The following CNTNAP2 variants were observed in gnomAD, a reference collection of about 807,000 sequenced individuals.
The protein encoded by CNTNAP2 is contactin associated protein 2.
A neutral mutation model predicts 155.2 loss-of-function variants in CNTNAP2; 98 were observed. The observed-to-expected ratio is 0.63, with a 90% CI of 0.54 to 0.75. The LOEUF (loss-of-function observed/expected upper bound fraction) is 0.75. CNTNAP2 is among the 30% of genes least tolerant of loss of function. The pLI is 0.00. For synonymous variants in CNTNAP2, 651 were observed against 631.2 expected, an observed-to-expected ratio of 1.03 and a Z score of -0.47; for missense variants, 1,727 against 1,688.1, an observed-to-expected ratio of 1.02 and a Z score of -0.40.
chr7:146,803,571 G>C (rs1802917929), intron 2 of CNTNAP2, among the ~76,000 whole-genome samples: 1 of 152,126 alleles, frequency 6.6e-6, no homozygotes, highest in Non-Finnish European at 1.5e-5. Context: ...ATGAAAAGCA[G>C]GTAACCAGAA....
At chr7:146,402,795 T>C (rs1332844226) in intron 1 of CNTNAP2, among the ~76,000 whole-genome samples, 1 of 152,162 alleles carries the variant, frequency 6.6e-6, no homozygotes, top group Non-Finnish European at 1.5e-5. Context: ...TTGGCAGATT[T>C]AATAATAAAT....
intron 15 of CNTNAP2, among the ~76,000 whole-genome samples, chr7:148,041,864 T>C (rs1049140199): frequency 2.0e-5 from 3 of 152,188 alleles, no homozygotes; most frequent in Admixed American, 6.5e-5. Flanking sequence ...CTCCACGGAA[T>C]ATATACAATA....
At chr7:147,283,545 T>C (rs1311214527) in intron 8 of CNTNAP2, among the ~76,000 whole-genome samples, 1 of 151,896 alleles carries the variant, frequency 6.6e-6, no homozygotes. Context: ...AATGTTGTCT[T>C]TAGATAGGAC....
intron 14 of CNTNAP2, among the ~76,000 whole-genome samples, chr7:147,933,988 T>C (rs1345853652): frequency 6.6e-6 from 1 of 152,248 alleles, no homozygotes; most frequent in Non-Finnish European, 1.5e-5. Flanking sequence ...TGATTCCATT[T>C]ATGTGAGGTA....
chr7:146,474,649 T>A (rs1190030320), intron 1 of CNTNAP2, among the ~76,000 whole-genome samples: 1 of 152,152 alleles, frequency 6.6e-6, no homozygotes. Context: ...TAGCACAGAC[T>A]TAGTTACAAT....
chr7:148,278,569 C>CAAAA lies in CNTNAP2; in HGVS notation c.3475+11459_3475+11462dup, dbSNP rs34230909. Among the ~76,000 whole-genome samples the CAAAA allele has an allele frequency of 1.0e-3, 116 of 116,566 alleles. 4 individuals carry two copies. The highest frequency in any genetic ancestry group is 3.4e-3 in the African/African-American group (104 of 30,316). The allele number at this position is 116,566 out of a possible 152,430, so 76.5% of individuals were successfully genotyped here. ...TGGGCAACAGAGTGAGACTACATCT[C>CAAAA]AAAAAAAAAAAAAAAAAAAGCCTGA... On this transcript the variant is annotated intron_variant, in intron 21 of 23. Transcript: ENST00000361727.
chr7:148,366,038 G>T lies in CNTNAP2; in HGVS notation c.3476-17611G>T, dbSNP rs374324152. 1.8e-3 allele frequency among the ~76,000 whole-genome samples: 2 copies of T among 1,132 alleles called. 1 individual carries two copies. The highest frequency in any genetic ancestry group is 0.33 in the East Asian group (2 of 6). 0.7% of individuals were successfully genotyped at this position (1,132 alleles called of 152,430 possible). A position where few individuals can be genotyped will look rare whatever the true frequency, so the allele number is the denominator to read the frequency against. ...TATGCATGTATGCATGTGTGTGTAT[G>T]CATGTATGCATGTGTGTGTATGCAT... On this transcript the variant is annotated intron_variant, in intron 21 of 23. Transcript: ENST00000361727.
chr7:146,816,459 G>A (rs1585104267), intron 2 of CNTNAP2, among the ~76,000 whole-genome samples: 1 of 152,242 alleles, frequency 6.6e-6, no homozygotes, highest in Non-Finnish European at 1.5e-5. Flanking sequence ...CTCACCAACT[G>A]ACTGCCCATG....
intron 16 of CNTNAP2, among the ~76,000 whole-genome samples, chr7:148,145,366 G>A (rs947044193): frequency 6.6e-6 from 1 of 152,156 alleles, no homozygotes; most frequent in Non-Finnish European, 1.5e-5. Flanking sequence ...ATATTTTCTA[G>A]CGACTTCTGG....
At chr7:147,153,416 G>A (rs1801863722) in intron 8 of CNTNAP2, among the ~76,000 whole-genome samples, 1 of 152,078 alleles carries the variant, frequency 6.6e-6, no homozygotes, top group South Asian at 2.1e-4. Flanking sequence ...GATTTGGAGT[G>A]TAGGTGGAGA....
At chr7:147,567,730 G>A (rs4726887) in intron 12 of CNTNAP2, among the ~76,000 whole-genome samples, 5,029 of 152,202 alleles carry the variant, frequency 0.033, 130 homozygotes, top group African/African-American at 0.055. Flanking sequence ...AATTCAACCA[G>A]GTAAAGTTGT....
At chr7:148,146,042 G>T (rs1036552247) in intron 16 of CNTNAP2, among the ~76,000 whole-genome samples, 4 of 152,178 alleles carry the variant, frequency 2.6e-5, no homozygotes, top group African/African-American at 7.2e-5. Flanking sequence ...CACAGAGGCA[G>T]GGAACAGTCT....
At chr7:146,367,441 A>T (rs1795171857) in intron 1 of CNTNAP2, among the ~76,000 whole-genome samples, 1 of 152,140 alleles carries the variant, frequency 6.6e-6, no homozygotes, top group Non-Finnish European at 1.5e-5. Flanking sequence ...ATAAGAGTTT[A>T]AAAAGCTGTA....
chr7:146,610,554 A>G (rs1486667377), intron 1 of CNTNAP2, among the ~76,000 whole-genome samples: 1 of 152,200 alleles, frequency 6.6e-6, no homozygotes, highest in Non-Finnish European at 1.5e-5. Flanking sequence ...AGCATTAGTG[A>G]AAGTAGTTAA....
intron 3 of CNTNAP2, among the ~76,000 whole-genome samples, chr7:147,003,274 G>A (rs952735054): frequency 6.6e-6 from 1 of 151,888 alleles, no homozygotes; most frequent in Admixed American, 6.6e-5. Context: ...ATTACATTAT[G>A]TGATTGATCT....
chr7:147,460,456 A>G (rs1469953302), intron 10 of CNTNAP2, among the ~76,000 whole-genome samples: 4 of 152,186 alleles, frequency 2.6e-5, no homozygotes, highest in African/African-American at 4.8e-5. Flanking sequence ...AATTGACTTT[A>G]TAAAGAAATC....
chr7:148,206,715 C>T (rs778036569), intron 18 of CNTNAP2, among the ~76,000 whole-genome samples: 2 of 152,208 alleles, frequency 1.3e-5, no homozygotes, highest in Non-Finnish European at 2.9e-5. Flanking sequence ...GGAGTTTGCT[C>T]CAGCCATGGT....
rs1433216677 is a variant in CNTNAP2 at position 147,300,139 on chromosome 7, A to G, written c.1349-2A>G. 2 of 1,613,942 alleles carry G rather than the reference A, an allele frequency of 1.2e-6. No homozygotes were observed. The highest frequency in any genetic ancestry group is 1.7e-6 in the Non-Finnish European group (2 of 1,179,878). ...AAATGACTTTTATCTTGTACTTACC[A>G]GGTTCTGGGTTGAATGATGGACAGT... On this transcript the variant is annotated splice_acceptor_variant, in intron 8 of 23. Transcript: ENST00000361727. LOFTEE classifies it high-confidence loss of function.
intron 9 of CNTNAP2, chr7:147,377,934 A>T: frequency 2.2e-6 from 1 of 447,670 alleles, no homozygotes; most frequent in Admixed American, 2.6e-5. Context: ...GTCCTTTCTG[A>T]ATCTGAATTT....
Sources: allele counts gnomAD v4.1 joint callset (sites outside exome capture counted in the v4.1 genomes callset), GRCh38; gene constraint gnomAD v4.1.1; transcripts MANE v1.5; gene names NCBI Gene and HGNC (gene_info 2026-07-23, HGNC 2026-07-21).